ARHGAP21: variants seen among roughly 807,000 people sequenced by gnomAD.
The protein encoded by ARHGAP21 is rho GTPase-activating protein 21.
A neutral mutation model predicts 164.6 loss-of-function variants in ARHGAP21; 38 were observed. The observed-to-expected ratio is 0.23, with a 90% CI of 0.18 to 0.30. The LOEUF (loss-of-function observed/expected upper bound fraction) is 0.30. Among genes scored for constraint, ARHGAP21 ranks in the 10% least tolerant of loss-of-function variants. The pLI is 1.00. For missense variants in ARHGAP21, 1,822 were observed against 2,370.7 expected, an observed-to-expected ratio of 0.77 and a Z score of 4.81; for synonymous variants, 766 against 857.9, an observed-to-expected ratio of 0.89 and a Z score of 1.87.
intron 2 of ARHGAP21, among the ~76,000 whole-genome samples, chr10:24,700,605 T>C (rs1268347826): frequency 1.3e-5 from 2 of 152,224 alleles, no homozygotes. Flanking sequence ...TGGATTAATT[T>C]AGGATCTTAT....
intron 7 of ARHGAP21, 34 bp downstream of exon 7, chr10:24,629,962 T>C: frequency 7.0e-7 from 1 of 1,434,518 alleles, no homozygotes. Context: ...TTCATGACTG[T>C]AAAACAACTC....
chr10:24,716,005 T>C (rs1318349665), intron 2 of ARHGAP21, among the ~76,000 whole-genome samples: 2 of 152,176 alleles, frequency 1.3e-5, no homozygotes, highest in Non-Finnish European at 2.9e-5. Flanking sequence ...CAAGGCTCTG[T>C]CTCAAAAAGA....
At chr10:24,693,483 T>C (rs974563342) in intron 2 of ARHGAP21, among the ~76,000 whole-genome samples, 5 of 152,162 alleles carry the variant, frequency 3.3e-5, no homozygotes, top group Non-Finnish European at 7.3e-5. Context: ...CCCGAGTAGC[T>C]TGGATTACAG....
At chr10:24,644,795 T>C (rs1837397544) in intron 4 of ARHGAP21, among the ~76,000 whole-genome samples, 3 of 152,356 alleles carry the variant, frequency 2.0e-5, no homozygotes, top group African/African-American at 7.2e-5. Flanking sequence ...GTCTTCATTC[T>C]ACATGTCTTT....
intron 2 of ARHGAP21, among the ~76,000 whole-genome samples, chr10:24,711,765 A>G (rs1844843573): frequency 6.6e-6 from 1 of 152,214 alleles, no homozygotes; most frequent in African/African-American, 2.4e-5. Context: ...GCATCTGGAA[A>G]GAAGGGAGCA....
Position 24,620,861 on chromosome 10 carries a change from A to G in ARHGAP21, c.1034T>C (p.Leu345Ser). The change falls in exon 9 of 26, where the codon TTA (leucine) becomes TCA (serine). Residue 345 changes from leucine to serine, a missense_variant. Leu to Ser is a moderately radical substitution (Grantham distance 145). Coordinates refer to ENST00000396432, the MANE Select transcript of ARHGAP21 (RefSeq NM_020824.4). ...TCCACTGTAATTTCCAGACTTAAGT[A>G]AAATTCCAGAAGGTTCCAGTGATCT... ...GSRSLEPSGI[L>S]LKSGNYSGHS... The G allele has an allele frequency of 6.2e-7, 1 of 1,613,994 alleles. No individual in the cohort carries two copies. Among genetic ancestry groups the G allele is most frequent in the African/African-American group, 1.3e-5 (1 of 75,040 alleles).
chr10:24,632,601 A>C (rs919807656), intron 6 of ARHGAP21, among the ~76,000 whole-genome samples: 2 of 152,220 alleles, frequency 1.3e-5, no homozygotes, highest in African/African-American at 4.8e-5. Context: ...CATACTTAGG[A>C]GAGCTTGATA....
intron 4 of ARHGAP21, among the ~76,000 whole-genome samples, chr10:24,659,121 G>A (rs527973784): frequency 7.9e-5 from 12 of 152,214 alleles, no homozygotes; most frequent in Non-Finnish European, 1.5e-4. Flanking sequence ...TGTGGAAAAC[G>A]GTTTGGCAGT....
intron 4 of ARHGAP21, among the ~76,000 whole-genome samples, chr10:24,663,348 A>G (rs1839886605): frequency 6.6e-6 from 1 of 152,220 alleles, no homozygotes; most frequent in South Asian, 2.1e-4. Context: ...GATAATAATC[A>G]TAAAAGATCA....
intron 4 of ARHGAP21, chr10:24,640,103 T>C (rs1836840066): frequency 6.6e-6 from 1 of 151,944 alleles, no homozygotes; most frequent in African/African-American, 2.4e-5. Flanking sequence ...ATATATAGTT[T>C]ATACAAAGAA....
intron 2 of ARHGAP21, among the ~76,000 whole-genome samples, chr10:24,709,618 T>C (rs1264699675): frequency 6.6e-6 from 1 of 151,822 alleles, no homozygotes; most frequent in Admixed American, 6.6e-5. Flanking sequence ...TGCATGCCTG[T>C]AGTCCCAGCT....
At chr10:24,609,793 T>A (rs2077175202) in intron 9 of ARHGAP21, among the ~76,000 whole-genome samples, 1 of 152,234 alleles carries the variant, frequency 6.6e-6, no homozygotes, top group African/African-American at 2.4e-5. Flanking sequence ...TATTTTCCAA[T>A]GTAGAAAAAT....
intron 4 of ARHGAP21, among the ~76,000 whole-genome samples, chr10:24,636,444 T>G (rs749693968): frequency 1.3e-5 from 2 of 152,178 alleles, no homozygotes; most frequent in Non-Finnish European, 2.9e-5. Flanking sequence ...ATCACTGAAG[T>G]AGAAGACACA....
intron 4 of ARHGAP21, among the ~76,000 whole-genome samples, chr10:24,654,482 AACAG>A (rs991045986): frequency 6.6e-6 from 1 of 152,208 alleles, no homozygotes; most frequent in Non-Finnish European, 1.5e-5. Flanking sequence ...ATACACCAAT[AACAG>A]ACAGCCAAAT....
intron 14 of ARHGAP21, among the ~76,000 whole-genome samples, chr10:24,598,852 T>C (rs1183869622): frequency 1.3e-5 from 2 of 152,232 alleles, no homozygotes; most frequent in Non-Finnish European, 2.9e-5. Context: ...ATTTAAATCC[T>C]ACCCCTGATG....
intron 3 of ARHGAP21, among the ~76,000 whole-genome samples, chr10:24,669,965 A>G (rs1565134935): frequency 6.6e-6 from 1 of 152,252 alleles, no homozygotes; most frequent in Non-Finnish European, 1.5e-5. Context: ...ATCTGGAATT[A>G]GAAGTCCTTA....
In ARHGAP21 at chr10:24,621,274, C is replaced by T; in HGVS notation, c.621G>A (p.Leu207=). Residue 207 remains leucine (L), a synonymous_variant, in exon 9 of 26, where the codon CTG becomes CTA. Transcript: ENST00000396432. ...PEPPPICYPW[L]PSAPSAMAQP... ...GTGCCATGGCTGATGGGGCAGATGG[C>T]AGCCAGGGATAGCAGATTGGTGGAG... is the stretch of plus-strand genomic sequence containing the variant. 6.2e-7 allele frequency: 1 copy of T among 1,613,858 alleles called. No homozygotes were observed. Among genetic ancestry groups the T allele is most frequent in the Middle Eastern group, 1.7e-4 (1 of 6,042 alleles).
chr10:24,676,319 T>A (rs61855023), intron 2 of ARHGAP21, among the ~76,000 whole-genome samples: 1,554 of 152,372 alleles, frequency 0.01, 14 homozygotes, highest in Non-Finnish European at 0.016. Flanking sequence ...TGAGTGTACA[T>A]GTGCAGTTTT....
At chr10:24,667,329 G>A (rs182413850) in intron 3 of ARHGAP21, among the ~76,000 whole-genome samples, 9 of 152,306 alleles carry the variant, frequency 5.9e-5, no homozygotes, top group Admixed American at 4.6e-4. Flanking sequence ...ATTTGAGTGC[G>A]AGATTTCTAA....
Sources: gnomAD v4.1 joint callset for allele counts (sites outside exome capture counted in the v4.1 genomes callset) on GRCh38, gnomAD v4.1.1 for gene constraint, MANE v1.5 for transcripts, NCBI Gene and HGNC (gene_info 2026-07-23, HGNC 2026-07-21) for gene names.